POLI: variants seen among roughly 807,000 people sequenced by gnomAD.
POLI encodes the protein DNA polymerase iota, also known as RAD30 homolog B.
In POLI, 58 loss-of-function variants were observed where a neutral mutation model predicts 51.6. That is an observed-to-expected ratio of 1.12 (90% confidence interval 0.91 to 1.40). The LOEUF (loss-of-function observed/expected upper bound fraction) is 1.40. POLI is among the 40% of genes most tolerant of loss of function. The pLI is 0.00. For missense variants in POLI, 921 were observed against 871.3 expected (o/e 1.06, Z -0.72); for synonymous variants, 322 against 299.7 (o/e 1.07, Z -0.77).
chr18:54,298,770 A>G (rs627482), downstream of POLI, among the ~76,000 whole-genome samples: 151,423 of 151,800 alleles, frequency 1, 75,523 homozygotes, highest in Middle Eastern at 1. Context: ...TGTATTTTTA[A>G]TAGAGATGGC....
chr18:54,275,591 T>C (rs1296240946), intron 3 of POLI, among the ~76,000 whole-genome samples: 1 of 152,250 alleles, frequency 6.6e-6, no homozygotes, highest in Non-Finnish European at 1.5e-5. Context: ...TCCAAATGTG[T>C]AAAATTATGG....
chr18:54,279,491 C>T (rs564152541), intron 4 of POLI, among the ~76,000 whole-genome samples: 3 of 152,260 alleles, frequency 2.0e-5, no homozygotes, highest in Admixed American at 1.3e-4. Context: ...GATCCGCTTG[C>T]CTTGGCCTCC....
At chr18:54,308,873 C>T (rs982235311) in intron 3 of POLI, among the ~76,000 whole-genome samples, 6 of 152,092 alleles carry the variant, frequency 3.9e-5, no homozygotes, top group Admixed American at 6.6e-5. Flanking sequence ...TTGATCGAAT[C>T]GGCTACTGAA....
chr18:54,319,912 T>A (rs1447752340), intron 3 of POLI, among the ~76,000 whole-genome samples: 2 of 152,222 alleles, frequency 1.3e-5, no homozygotes, highest in Non-Finnish European at 2.9e-5. Flanking sequence ...TCAAGATTTT[T>A]ATCTTTCTTG....
chr18:54,279,549 G>C (rs1443275323), intron 4 of POLI, among the ~76,000 whole-genome samples: 1 of 152,034 alleles, frequency 6.6e-6, no homozygotes, highest in Non-Finnish European at 1.5e-5. Context: ...GGCCCATTAT[G>C]TCCTTTCTTG....
chr18:54,320,469 A>G (rs991352636), intron 4 of POLI: 1 of 152,308 alleles, frequency 6.6e-6, no homozygotes, highest in Middle Eastern at 3.4e-3. Context: ...AATTTTGACA[A>G]TATTTTTCTA....
intron 7 of POLI, among the ~76,000 whole-genome samples, 165 bp from the exon 8 acceptor site, chr18:54,287,116 T>G (rs984541240): frequency 1.3e-5 from 2 of 152,220 alleles, no homozygotes; most frequent in African/African-American, 4.8e-5. Context: ...TTGTGATGAT[T>G]ATTTGGATAC....
At chr18:54,287,992 C>T (rs749575581) in intron 8 of POLI, among the ~76,000 whole-genome samples, 2 of 152,112 alleles carry the variant, frequency 1.3e-5, no homozygotes, top group Non-Finnish European at 2.9e-5. Flanking sequence ...TTTTGAAGAA[C>T]ATTTAAATGC....
Position 54,278,559 on chromosome 18 carries a change from C to T in POLI, c.559+704C>T, listed in dbSNP as rs558181610. On this transcript the variant is annotated intron_variant, in intron 4 of 9. Coordinates refer to ENST00000579534, the MANE Select transcript of POLI (RefSeq NM_007195.3). Reference sequence around the variant, plus strand: ...CAAGTTAGCACTTTTGGAATGTTGTCCAGGGCTATCTGCCATGTGCTAGAA... The same window carrying T: ...CAAGTTAGCACTTTTGGAATGTTGTTCAGGGCTATCTGCCATGTGCTAGAA... Among the ~76,000 whole-genome samples the T allele has an allele frequency of 1.3e-4, 20 of 152,292 alleles. No homozygotes were observed. The East Asian group carries it at 3.7e-3, about 28-fold the overall frequency.
At chr18:54,287,549 A>G (rs1367548221) in intron 8 of POLI, 138 bp downstream of exon 8, 2 of 579,852 alleles carry the variant, frequency 3.4e-6, no homozygotes, top group Non-Finnish European at 6.1e-6. Flanking sequence ...TTCTATCAGG[A>G]ATTTTCACTG....
At chr18:54,283,068 T>G (rs1298691128) in intron 6 of POLI, 53 bp downstream of exon 6, 1 of 1,185,620 alleles carries the variant, frequency 8.4e-7, no homozygotes. Context: ...TTATTTGAGA[T>G]AAAGATTTCT....
downstream of POLI, among the ~76,000 whole-genome samples, chr18:54,302,788 C>T (rs775950595): frequency 6.6e-6 from 1 of 152,272 alleles, no homozygotes; most frequent in Non-Finnish European, 1.5e-5. Context: ...CCTTCCCAGC[C>T]TCTGGTAACC....
In POLI at chr18:54,269,609, C is replaced by G. The variant is rs768260408; in HGVS notation, c.63C>G (p.Ala21=). 1.4e-4 allele frequency: 204 copies of G among 1,502,092 alleles called. No individual in the cohort carries two copies. Among genetic ancestry groups the G allele is most frequent in the Non-Finnish European group, 1.7e-4 (194 of 1,129,814 alleles). 93.0% of individuals were successfully genotyped at this position (1,502,092 alleles called of 1,614,324 possible). A position where few individuals can be genotyped will look rare whatever the true frequency, so the allele number is the denominator to read the frequency against. The stretch of plus-strand genomic sequence containing the variant: ...GCGGCGACGACGACGAGGAAGACGC[C>G]GAGGCCTGGGCCATGGAACTGGCGG... ...EGGGDDDEED[A]EAWAMELADV... The change falls in exon 1 of 10, where the codon GCC becomes GCG. Residue 21 remains alanine, a synonymous_variant. Coordinates refer to ENST00000579534, the MANE Select transcript of POLI (RefSeq NM_007195.3).
At chr18:54,302,180 T>A (rs1442726533), downstream of POLI, among the ~76,000 whole-genome samples, 1 of 152,200 alleles carries the variant, frequency 6.6e-6, no homozygotes, top group Non-Finnish European at 1.5e-5. Flanking sequence ...AATATGATGA[T>A]TAAAATATCT....
At chr18:54,273,164 T>C (rs534655151) in intron 2 of POLI, among the ~76,000 whole-genome samples, 14 of 152,178 alleles carry the variant, frequency 9.2e-5, no homozygotes, top group Admixed American at 3.3e-4. Context: ...TTTTATGCAG[T>C]CTGTAAATAA....
chr18:54,299,929 A>G (rs1333388790), downstream of POLI, among the ~76,000 whole-genome samples: 5 of 152,218 alleles, frequency 3.3e-5, no homozygotes, highest in African/African-American at 1.2e-4. Context: ...ATTGGAAGCC[A>G]GAAGACAGTG....
chr18:54,307,400 G>T (rs2088605207), intron 3 of POLI, among the ~76,000 whole-genome samples: 1 of 152,198 alleles, frequency 6.6e-6, no homozygotes, highest in South Asian at 2.1e-4. Context: ...GGTTTTGAGT[G>T]AGTTTCTTAA....
intron 3 of POLI, among the ~76,000 whole-genome samples, chr18:54,308,273 C>T (rs1308574355): frequency 2.0e-5 from 3 of 152,108 alleles, no homozygotes; most frequent in African/African-American, 7.2e-5. Context: ...GTAAGGCAGG[C>T]CTGGTGGTGA....
Position 54,292,160 on chromosome 18 carries a change from T to C in POLI, c.1404+122T>C, listed in dbSNP as rs2088051263. 3 of 622,844 alleles carry C rather than the reference T, an allele frequency of 4.8e-6. No individual in the cohort carries two copies. The African/African-American group carries it at 5.5e-5, about 11-fold the overall frequency. The allele number at this position is 622,844 out of a possible 1,614,324, so 38.6% of individuals were successfully genotyped here. On this transcript the variant is annotated intron_variant, in intron 9 of 9. Transcript: ENST00000579534. Reference sequence around the variant, plus strand: ...TTAGAGATTCTTTTGGGTGATATTGTTTAGGTGATTAACTTGTTTATAATA... The same window carrying C: ...TTAGAGATTCTTTTGGGTGATATTGCTTAGGTGATTAACTTGTTTATAATA...
Sources: gnomAD v4.1 joint callset for allele counts (sites outside exome capture counted in the v4.1 genomes callset) on GRCh38, gnomAD v4.1.1 for gene constraint, MANE v1.5 for transcripts, NCBI Gene and HGNC (gene_info 2026-07-23, HGNC 2026-07-21) for gene names.